Variants in COPG2 observed in about 807,000 individuals in gnomAD.
COPG2 encodes coatomer subunit gamma-2.
In COPG2, 37 loss-of-function variants were observed where a neutral mutation model predicts 46.3. The observed-to-expected ratio is 0.80, with a 90% confidence interval of 0.61 to 1.05. The LOEUF (loss-of-function observed/expected upper bound fraction) is 1.05. COPG2 is among the 50% of genes least tolerant of loss of function. The pLI is 0.00. For missense variants in COPG2, 427 were observed against 387.8 expected (o/e 1.10, Z -0.85); for synonymous variants, 159 against 129.7 (o/e 1.23, Z -1.53).
rs535243929 is a variant in COPG2, at chr7:130,506,912, G to A, written c.2486-106C>T. The A allele has an allele frequency of 5.1e-4, 315 of 620,878 alleles. 6 individuals carry two copies. In the South Asian group the frequency reaches 6.4e-3, roughly 13 times the overall value. The allele number at this position is 620,878 out of a possible 1,614,324, so 38.5% of individuals were successfully genotyped here. A position where few individuals can be genotyped will look rare whatever the true frequency, so the allele number is the denominator to read the frequency against. ...ATCTCCTTTCTATTAGTTTAGTTTAGCTTTTCCAGAGACTTGTGGAAACTG... is the reference window on the plus strand; with the variant it reads ...ATCTCCTTTCTATTAGTTTAGTTTAACTTTTCCAGAGACTTGTGGAAACTG... On this transcript the variant is annotated intron_variant, in intron 23 of 23. Transcript: ENST00000425248.
intron 11 of COPG2, among the ~76,000 whole-genome samples, chr7:130,562,651 C>G (rs1260400354): frequency 2.0e-5 from 3 of 152,016 alleles, no homozygotes; most frequent in African/African-American, 7.3e-5. Flanking sequence ...ACTGAGTATG[C>G]TGTAAATGTA....
chr7:130,534,317 C>A (rs1337232867), intron 20 of COPG2, among the ~76,000 whole-genome samples: 3 of 152,102 alleles, frequency 2.0e-5, no homozygotes, highest in Non-Finnish European at 4.4e-5. Flanking sequence ...GGACTCATAT[C>A]GTTTGAGTCC....
chr7:130,639,237 G>A (rs1463891788), intron 5 of COPG2, among the ~76,000 whole-genome samples: 4 of 152,168 alleles, frequency 2.6e-5, no homozygotes, highest in African/African-American at 9.7e-5. Context: ...ACATATTATA[G>A]TCTGTCATTT....
intron 5 of COPG2, among the ~76,000 whole-genome samples, chr7:130,618,648 A>C (rs564840770): frequency 6.6e-6 from 1 of 152,182 alleles, no homozygotes; most frequent in South Asian, 2.1e-4. Context: ...TAAGGTTTTC[A>C]TAAGTATTAA....
At chr7:130,537,170 A>G (rs1235287618) in intron 20 of COPG2, among the ~76,000 whole-genome samples, 1 of 152,142 alleles carries the variant, frequency 6.6e-6, no homozygotes, top group Non-Finnish European at 1.5e-5. Flanking sequence ...GGAAGAAGGT[A>G]GGAGATTCAG....
At chr7:130,559,180 T>C (rs1793678586) in intron 12 of COPG2, among the ~76,000 whole-genome samples, 1 of 151,994 alleles carries the variant, frequency 6.6e-6, no homozygotes, top group Admixed American at 6.6e-5. Context: ...ATCCTGAATA[T>C]ACAAAAAAAT....
At chr7:130,511,996 C>T in intron 20 of COPG2, 1 of 436,296 alleles carries the variant, frequency 2.3e-6, no homozygotes, top group Non-Finnish European at 4.6e-6. Context: ...AGGTGGATCA[C>T]CTGAGGTTGG....
At chr7:130,513,014 G>A (rs1486609628) in intron 20 of COPG2, among the ~76,000 whole-genome samples, 7 of 151,432 alleles carry the variant, frequency 4.6e-5, no homozygotes, top group Non-Finnish European at 1.0e-4. Context: ...GGCTGGGCAC[G>A]GTGGCTCATG....
chr7:130,548,193 C>T (rs1793475874), intron 19 of COPG2, among the ~76,000 whole-genome samples: 2 of 152,206 alleles, frequency 1.3e-5, no homozygotes. Context: ...CTTCATCACA[C>T]ATTTCAGTTT....
intron 4 of COPG2, among the ~76,000 whole-genome samples, chr7:130,654,542 G>A (rs1795810007): frequency 6.6e-6 from 1 of 152,128 alleles, no homozygotes. Context: ...ATATATTAAT[G>A]TAAATGTGCA....
chr7:130,643,035 G>A (rs932834629), intron 5 of COPG2, among the ~76,000 whole-genome samples: 7 of 151,650 alleles, frequency 4.6e-5, no homozygotes, highest in South Asian at 2.1e-4. Context: ...TAGGCCGGGC[G>A]CGGTGGCTCC....
intron 20 of COPG2, among the ~76,000 whole-genome samples, chr7:130,512,384 G>C (rs1313087187): frequency 1.3e-5 from 2 of 151,628 alleles, no homozygotes; most frequent in Non-Finnish European, 2.9e-5. Flanking sequence ...GATTTATTAA[G>C]AGAGTGTGAA....
chr7:130,549,319 A>G lies in COPG2; in HGVS notation c.1832T>C (p.Phe611Ser), dbSNP rs1793497506. 2.5e-6 allele frequency: 1 copy of G among 398,568 alleles called. No homozygotes were observed. The highest frequency in any genetic ancestry group is 4.4e-6 in the Non-Finnish European group (1 of 226,040). The allele number at this position is 398,568 out of a possible 1,614,324, so 24.7% of individuals were successfully genotyped here. A position where few individuals can be genotyped will look rare whatever the true frequency, so the allele number is the denominator to read the frequency against. The change falls in exon 18 of 24, where the codon TTC becomes TCC. Residue 611 changes from phenylalanine to serine, a missense_variant. Phe to Ser is a radical substitution (Grantham distance 155). Coordinates refer to ENST00000425248, the MANE Select transcript of COPG2 (RefSeq NM_012133.6). The stretch of plus-strand genomic sequence containing the variant: ...TAACCATCAAATCATCATACCTTGG[A>G]AAATGTCTTGCCTGGAAGGAGCCAA... The part of the protein sequence containing the change: ...EKLAPSRQDI[F>S]QEQLAAIPEF...
chr7:130,624,340 T>C (rs1795083397), intron 5 of COPG2, among the ~76,000 whole-genome samples: 1 of 152,212 alleles, frequency 6.6e-6, no homozygotes, highest in Non-Finnish European at 1.5e-5. Flanking sequence ...GTTTAATCTT[T>C]TTGGTTGTTG....
At chr7:130,587,530 T>G (rs1554448169) in intron 9 of COPG2, among the ~76,000 whole-genome samples, 1 of 151,548 alleles carries the variant, frequency 6.6e-6, no homozygotes, top group African/African-American at 2.4e-5. Context: ...ATTCCTCTTT[T>G]AAAACTTAGA....
At chr7:130,512,692 C>A (rs1388007661) in intron 20 of COPG2, among the ~76,000 whole-genome samples, 16 of 151,718 alleles carry the variant, frequency 1.1e-4, no homozygotes, top group African/African-American at 3.6e-4. Flanking sequence ...TTTCAGTGAG[C>A]CAAAATCACG....
At chr7:130,653,030 G>T in intron 4 of COPG2, 82 bp from the exon 5 acceptor site, 1 of 808,416 alleles carries the variant, frequency 1.2e-6, no homozygotes, top group Non-Finnish European at 2.0e-6. Flanking sequence ...ACCCCAAGTA[G>T]ATATATATTT....
rs922009160 is a variant in COPG2, at chr7:130,560,679, G to A, written c.1128+354C>T. On this transcript the variant is annotated intron_variant, in intron 12 of 23. Coordinates refer to ENST00000425248, the MANE Select transcript of COPG2 (RefSeq NM_012133.6). Reference sequence around the variant, plus strand: ...CCTAAAATATATGGGTATTTGCTTTGTAGACAAAGGTGCCAAAGCACTCCA... The same window carrying A: ...CCTAAAATATATGGGTATTTGCTTTATAGACAAAGGTGCCAAAGCACTCCA... Among the ~76,000 whole-genome samples, 36 of 152,256 alleles carry A rather than the reference G, an allele frequency of 2.4e-4. No homozygotes were observed. The East Asian group carries it at 6.2e-3, about 26-fold the overall frequency.
intron 9 of COPG2, among the ~76,000 whole-genome samples, chr7:130,585,733 G>C (rs952792609): frequency 6.6e-6 from 1 of 151,912 alleles, no homozygotes; most frequent in African/African-American, 2.4e-5. Flanking sequence ...CATCACTAAT[G>C]ATCAGGGAAA....
Sources: gnomAD v4.1 joint callset for allele counts (sites outside exome capture counted in the v4.1 genomes callset) on GRCh38, gnomAD v4.1.1 for gene constraint, MANE v1.5 for transcripts, NCBI Gene and HGNC (gene_info 2026-07-23, HGNC 2026-07-21) for gene names.